PRKG1: variants seen among roughly 807,000 people sequenced by gnomAD.
PRKG1 encodes the protein cGMP-dependent protein kinase 1.
Under a neutral mutation model 88.1 loss-of-function variants are expected in PRKG1, and 35 were observed. The ratio of observed to expected loss-of-function variants is 0.40; its 90% CI spans 0.30 to 0.53. The LOEUF (loss-of-function observed/expected upper bound fraction) is 0.53, where lower values mean the gene tolerates loss of function less well. Among genes scored for constraint, PRKG1 ranks in the 20% least tolerant of loss-of-function variants. PRKG1 has a pLI of 0.59. For missense variants in PRKG1, 540 were observed against 839.8 expected (o/e 0.64, Z 4.41); for synonymous variants, 303 against 292.5 (o/e 1.04, Z -0.37).
chr10:52,066,697 G>T (rs1846364039), intron 7 of PRKG1, among the ~76,000 whole-genome samples: 1 of 152,166 alleles, frequency 6.6e-6, no homozygotes, highest in South Asian at 2.1e-4. Flanking sequence ...GCTTGCTGCT[G>T]CTCTGTAAGA....
chr10:52,181,386 A>G (rs186241485), intron 9 of PRKG1, among the ~76,000 whole-genome samples: 3 of 143,574 alleles, frequency 2.1e-5, no homozygotes, highest in African/African-American at 7.8e-5. Flanking sequence ...GGTAATTTAT[A>G]ATGAAAAGAG....
intron 7 of PRKG1, among the ~76,000 whole-genome samples, chr10:52,066,944 T>C (rs1402331441): frequency 1.3e-5 from 2 of 152,216 alleles, no homozygotes; most frequent in Non-Finnish European, 2.9e-5. Context: ...TTTTCTTGTT[T>C]TGATGTTTTG....
chr10:51,028,469 C>G (rs1009076318), intron 1 of PRKG1, among the ~76,000 whole-genome samples: 15 of 152,056 alleles, frequency 9.9e-5, no homozygotes, highest in African/African-American at 3.6e-4. Context: ...CAATGAAAGC[C>G]TAGTGCTCTA....
intron 3 of PRKG1, among the ~76,000 whole-genome samples, chr10:51,572,865 A>C (rs1273136110): frequency 6.6e-6 from 1 of 151,872 alleles, no homozygotes; most frequent in Non-Finnish European, 1.5e-5. Flanking sequence ...TTTACTCTTT[A>C]GAATTGAGGG....
chr10:51,582,853 A>G (rs747064650), intron 3 of PRKG1, among the ~76,000 whole-genome samples: 6 of 152,172 alleles, frequency 3.9e-5, no homozygotes, highest in Non-Finnish European at 5.9e-5. Context: ...GAGTTCATAA[A>G]AAAAGAAATA....
rs570699533 is a variant in PRKG1 at position 52,039,977 on chromosome 10, A to G, written c.763-14507A>G. The stretch of plus-strand genomic sequence containing the variant: ...ACTACTCTCAGACAAGCCTAGACAG[A>G]AACAAAAAATCCTTACCATAAGAAC... On this transcript the variant is annotated intron_variant, in intron 5 of 17. Coordinates refer to ENST00000373980, the MANE Select transcript of PRKG1 (RefSeq NM_006258.4). 4.8e-4 allele frequency among the ~76,000 whole-genome samples: 73 copies of G among 152,250 alleles called. 2 individuals are homozygous for G. The South Asian group carries it at 0.015, about 30-fold the overall frequency.
intron 3 of PRKG1, among the ~76,000 whole-genome samples, chr10:51,688,242 G>GC (rs1841044026): frequency 6.6e-6 from 1 of 151,972 alleles, no homozygotes; most frequent in Admixed American, 6.6e-5. Context: ...GTCTGGGTGG[G>GC]CACCTAGATT....
intron 2 of PRKG1, among the ~76,000 whole-genome samples, chr10:51,395,399 A>G (rs1050953257): frequency 2.6e-5 from 4 of 152,214 alleles, no homozygotes; most frequent in African/African-American, 9.6e-5. Context: ...GAGCCACACT[A>G]CTTATAGATC....
In PRKG1 at chr10:51,735,854, CATATATAT is replaced by C. The variant is rs146700314; in HGVS notation, c.593-68712_593-68705del. 5.2e-4 allele frequency among the ~76,000 whole-genome samples: 59 copies of C among 114,192 alleles called. 1 individual carries two copies. Among genetic ancestry groups the C allele is most frequent in the African/African-American group, 1.1e-3 (31 of 29,054 alleles). The allele number at this position is 114,192 out of a possible 152,430, so 74.9% of individuals were successfully genotyped here. ...GGATATGGGGCAGGGGGCCTGACTG[CATATATAT>C]ATATATATATATATATATGTATATT... On this transcript the variant is annotated intron_variant, in intron 3 of 17. Coordinates refer to ENST00000373980, the MANE Select transcript of PRKG1 (RefSeq NM_006258.4).
chr10:51,653,037 A>G (rs1721194547), intron 3 of PRKG1, among the ~76,000 whole-genome samples: 1 of 152,222 alleles, frequency 6.6e-6, no homozygotes, highest in African/African-American at 2.4e-5. Context: ...GTCACAAATG[A>G]CAAGATTTCC....
At chr10:52,104,188 A>T (rs1847362218) in intron 7 of PRKG1, among the ~76,000 whole-genome samples, 1 of 151,820 alleles carries the variant, frequency 6.6e-6, no homozygotes, top group Admixed American at 6.6e-5. Flanking sequence ...TATTTTATGT[A>T]CATAGGAATA....
At chr10:51,779,946 T>C (rs1838542885) in intron 3 of PRKG1, among the ~76,000 whole-genome samples, 1 of 152,150 alleles carries the variant, frequency 6.6e-6, no homozygotes, top group African/African-American at 2.4e-5. Flanking sequence ...TTTAAAATAG[T>C]TTTCCATCCA....
At chr10:52,111,712 T>C (rs1197581316) in intron 7 of PRKG1, among the ~76,000 whole-genome samples, 3 of 152,184 alleles carry the variant, frequency 2.0e-5, no homozygotes, top group Admixed American at 2.0e-4. Flanking sequence ...CTTTGTGCAG[T>C]GTTGAGTTCA....
At chr10:52,053,495 C>A (rs1474333512) in intron 5 of PRKG1, among the ~76,000 whole-genome samples, 4 of 152,094 alleles carry the variant, frequency 2.6e-5, no homozygotes, top group Non-Finnish European at 5.9e-5. Context: ...TAGGAGTGTG[C>A]AAAATAATGT....
chr10:51,675,147 T>C (rs1454073863), intron 3 of PRKG1, among the ~76,000 whole-genome samples: 1 of 152,278 alleles, frequency 6.6e-6, no homozygotes, highest in African/African-American at 2.4e-5. Flanking sequence ...TCAAACACAG[T>C]TGGTACATCA....
chr10:51,751,832 A>G (rs1354981690), intron 3 of PRKG1, among the ~76,000 whole-genome samples: 2 of 151,730 alleles, frequency 1.3e-5, no homozygotes, highest in African/African-American at 2.4e-5. Context: ...TTAGCTCATC[A>G]TTATATTCTT....
intron 1 of PRKG1, among the ~76,000 whole-genome samples, chr10:51,041,596 C>T (rs909459428): frequency 6.6e-6 from 1 of 151,794 alleles, no homozygotes; most frequent in Non-Finnish European, 1.5e-5. Context: ...CCTTCTGGCC[C>T]AGGTGTATCT....
At chr10:51,393,858 A>T (rs1035124229) in intron 2 of PRKG1, among the ~76,000 whole-genome samples, 1 of 152,226 alleles carries the variant, frequency 6.6e-6, no homozygotes, top group Non-Finnish European at 1.5e-5. Flanking sequence ...TGAGAGTCAC[A>T]CAATCACACT....
Position 51,031,103 on chromosome 10 carries a change from T to G in PRKG1, c.266+39459T>G, listed in dbSNP as rs1843276338. Reference sequence around the variant, plus strand: ...TTATATTGTCTGGAAAAGATCAATCTTGACTCTATTTGCATTTTCAAAAGT... The same window carrying G: ...TTATATTGTCTGGAAAAGATCAATCGTGACTCTATTTGCATTTTCAAAAGT... On this transcript the variant is annotated intron_variant, in intron 1 of 17. Coordinates refer to the PRKG1 transcript ENST00000401604. Among the ~76,000 whole-genome samples the G allele has an allele frequency of 3.3e-5, 5 of 152,316 alleles. No homozygotes were observed. The South Asian group carries it at 1.0e-3, about 32-fold the overall frequency.
Sources: gnomAD v4.1 joint callset for allele counts (sites outside exome capture counted in the v4.1 genomes callset) on GRCh38, gnomAD v4.1.1 for gene constraint, MANE v1.5 for transcripts, NCBI Gene and HGNC (gene_info 2026-07-23, HGNC 2026-07-21) for gene names.